The following MPPED2 variants were observed in gnomAD, a reference collection of about 807,000 sequenced individuals.
MPPED2 encodes metallophosphoesterase domain containing 2.
A neutral mutation model predicts 33.0 loss-of-function variants in MPPED2; 5 were observed. The ratio of observed to expected loss-of-function variants is 0.15; its 90% confidence interval spans 0.08 to 0.32. MPPED2 has a LOEUF of 0.32. Among genes scored for constraint, MPPED2 ranks in the 10% least tolerant of loss-of-function variants. The pLI is 1.00. For missense variants in MPPED2, 275 were observed against 372.1 expected, an observed-to-expected ratio of 0.74 and a Z score of 2.15; for synonymous variants, 136 against 141.9, an observed-to-expected ratio of 0.96 and a Z score of 0.29.
At chr11:30,547,844 T>A (rs1955507503) in intron 2 of MPPED2, among the ~76,000 whole-genome samples, 2 of 152,110 alleles carry the variant, frequency 1.3e-5, no homozygotes, top group Non-Finnish European at 2.9e-5. Context: ...GAGTCAATTT[T>A]AAAAAAAATA....
chr11:30,399,956 G>A (rs181290238), intron 6 of MPPED2, among the ~76,000 whole-genome samples: 8 of 152,320 alleles, frequency 5.3e-5, no homozygotes, highest in Admixed American at 1.3e-4. Context: ...TATTAAGCTT[G>A]TAGTAACATC....
intron 3 of MPPED2, among the ~76,000 whole-genome samples, chr11:30,514,846 A>G (rs1408009439): frequency 6.6e-6 from 1 of 152,184 alleles, no homozygotes; most frequent in Non-Finnish European, 1.5e-5. Flanking sequence ...TCACTCCTGT[A>G]ATCCCAACTT....
At chr11:30,509,209 G>A (rs1168343862) in intron 3 of MPPED2, among the ~76,000 whole-genome samples, 1 of 151,998 alleles carries the variant, frequency 6.6e-6, no homozygotes, top group African/African-American at 2.4e-5. Flanking sequence ...GGCAAAAGAG[G>A]GCAAAGAAGT....
Position 30,504,912 on chromosome 11 carries a change from G to A in MPPED2, c.311-9391C>T, listed in dbSNP as rs2134265069. ...AGAAACCCAGGAGAAGGCAGGGGAT[G>A]CGGAGTGAAAGCCCGGTGGTCCACT... On this transcript the variant is annotated intron_variant, in intron 3 of 6. Transcript: ENST00000358117. 5.1e-6 allele frequency: 4 copies of A among 785,430 alleles called. No individual in the cohort carries two copies. In the East Asian group the frequency reaches 1.9e-4, roughly 38 times the overall value. The allele number at this position is 785,430 out of a possible 1,614,324, so 48.7% of individuals were successfully genotyped here. A position where few individuals can be genotyped will look rare whatever the true frequency, so the allele number is the denominator to read the frequency against.
chr11:30,436,153 G>A (rs1339137701), intron 4 of MPPED2, among the ~76,000 whole-genome samples: 1 of 145,726 alleles, frequency 6.9e-6, no homozygotes, highest in African/African-American at 2.5e-5. Flanking sequence ...ATTTTCTTTA[G>A]AGTCTGTAAA....
At position 30,577,559 on chromosome 11, in the gene MPPED2, T is replaced by TTATAGA. The variant is rs1220193863; in HGVS notation, c.128+2681_128+2686dup. ...CTGAAGACATTTTAGACTAAATATT[T>TTATAGA]TATAGATATTTTCTAGCCAATTAAA... On this transcript the variant is annotated intron_variant, in intron 2 of 6. Coordinates refer to ENST00000358117, the MANE Select transcript of MPPED2 (RefSeq NM_001584.3). 2.6e-5 allele frequency among the ~76,000 whole-genome samples: 4 copies of TTATAGA among 152,286 alleles called. No individual in the cohort carries two copies. The East Asian group carries it at 7.7e-4, about 29-fold the overall frequency.
intron 3 of MPPED2, among the ~76,000 whole-genome samples, chr11:30,512,241 C>T (rs1458728): frequency 0.24 from 35,996 of 151,978 alleles, 4,662 homozygotes; most frequent in East Asian, 0.45. Flanking sequence ...GGTCATTCTA[C>T]TTGGCCACCA....
intron 3 of MPPED2, among the ~76,000 whole-genome samples, chr11:30,510,511 G>A (rs780064999): frequency 9.9e-5 from 15 of 152,202 alleles, no homozygotes; most frequent in Non-Finnish European, 1.9e-4. Context: ...TCAAGGTTGA[G>A]AGCAAAAGAT....
At chr11:30,427,114 C>A (rs959077580) in intron 4 of MPPED2, among the ~76,000 whole-genome samples, 1 of 152,156 alleles carries the variant, frequency 6.6e-6, no homozygotes, top group African/African-American at 2.4e-5. Flanking sequence ...CATGTCACGG[C>A]AACCAGGCAG....
intron 4 of MPPED2, chr11:30,451,718 A>G: frequency 1.0e-6 from 1 of 977,280 alleles, no homozygotes; most frequent in Non-Finnish European, 1.2e-6. Flanking sequence ...AACTTTTGAA[A>G]GAATACAACT....
At chr11:30,387,017 A>T in exon 7 of MPPED2, 1 of 366,128 alleles carries the variant, frequency 2.7e-6, no homozygotes, top group Non-Finnish European at 4.9e-6. Flanking sequence ...GTTAGTAGTG[A>T]TGGAAGCAGA....
intron 4 of MPPED2, among the ~76,000 whole-genome samples, chr11:30,480,580 A>G (rs990390301): frequency 2.6e-5 from 4 of 152,144 alleles, no homozygotes; most frequent in African/African-American, 9.7e-5. Flanking sequence ...GACTAAATTT[A>G]TCACTGATGA....
chr11:30,544,839 C>T lies in MPPED2; in HGVS notation c.129-8664G>A, dbSNP rs995264495. 3.9e-5 allele frequency among the ~76,000 whole-genome samples: 6 copies of T among 152,068 alleles called. No individual in the cohort carries two copies. In the South Asian group the frequency reaches 6.2e-4, roughly 16 times the overall value. The stretch of plus-strand genomic sequence containing the variant: ...AGGTAGTATGTCGATTTCAAATGCA[C>T]GAGACAAAGGATTGGCACTATTAGG... On this transcript the variant is annotated intron_variant, in intron 2 of 6. Coordinates refer to ENST00000358117, the MANE Select transcript of MPPED2 (RefSeq NM_001584.3).
At chr11:30,468,229 T>TAC (rs1174150864) in intron 4 of MPPED2, among the ~76,000 whole-genome samples, 4,027 of 147,200 alleles carry the variant, frequency 0.027, 130 homozygotes, top group Admixed American at 0.08. Flanking sequence ...TGGCATACTA[T>TAC]ACACACACAC....
chr11:30,414,107 T>A, intron 6 of MPPED2, 121 bp downstream of exon 6: 2 of 663,532 alleles, frequency 3.0e-6, no homozygotes, highest in Non-Finnish European at 5.5e-6. Flanking sequence ...TAAGACTTCA[T>A]CTTATAAAAG....
At chr11:30,403,246 C>CA (rs757620790) in intron 6 of MPPED2, among the ~76,000 whole-genome samples, 34,621 of 106,360 alleles carry the variant, frequency 0.33, 5,426 homozygotes, top group Non-Finnish European at 0.41. Flanking sequence ...GACTCCGTCT[C>CA]AAAAAAAAAA....
At chr11:30,469,275 ACTAT>A (rs1465593637) in intron 4 of MPPED2, among the ~76,000 whole-genome samples, 2 of 152,148 alleles carry the variant, frequency 1.3e-5, no homozygotes, top group African/African-American at 4.8e-5. Context: ...TAAAATATGG[ACTAT>A]CTTTTTTTAA....
intron 4 of MPPED2, among the ~76,000 whole-genome samples, chr11:30,466,628 TTGAG>T (rs1010638928): frequency 2.0e-5 from 3 of 152,206 alleles, no homozygotes; most frequent in African/African-American, 7.2e-5. Flanking sequence ...AGGGTAGCCA[TTGAG>T]TTTTAAAACA....
chr11:30,390,103 T>C (rs535435843), intron 6 of MPPED2, among the ~76,000 whole-genome samples: 2 of 152,364 alleles, frequency 1.3e-5, no homozygotes, highest in South Asian at 2.1e-4. Flanking sequence ...ATTTCACAGA[T>C]ATTCAACTAG....
Sources: allele counts gnomAD v4.1 joint callset (sites outside exome capture counted in the v4.1 genomes callset), GRCh38; gene constraint gnomAD v4.1.1; transcripts MANE v1.5; gene names NCBI Gene and HGNC (gene_info 2026-07-23, HGNC 2026-07-21).